The following COL6A5 variants were observed in gnomAD, a reference collection of about 807,000 sequenced individuals.
COL6A5 encodes collagen type VI alpha 5 chain.
A neutral mutation model predicts 65.6 loss-of-function variants in COL6A5; 48 were observed. That is an observed-to-expected ratio of 0.73 (90% confidence interval 0.58 to 0.93). The LOEUF (loss-of-function observed/expected upper bound fraction) is 0.93. Among genes scored for constraint, COL6A5 ranks in the 40% least tolerant of loss-of-function variants. COL6A5 has a pLI of 0.00. For missense variants in COL6A5, 914 were observed against 928.3 expected, an observed-to-expected ratio of 0.98 and a Z score of 0.20; for synonymous variants, 291 against 322.8, an observed-to-expected ratio of 0.90 and a Z score of 1.05.
chr3:130,415,187 G>A (rs560912243), intron 22 of COL6A5, among the ~76,000 whole-genome samples: 1 of 152,240 alleles, frequency 6.6e-6, no homozygotes, highest in South Asian at 2.1e-4. Flanking sequence ...CGTGTTTGAT[G>A]GCAAATATGG....
At chr3:130,397,272 A>G (rs1577466628) in intron 8 of COL6A5, among the ~76,000 whole-genome samples, 1 of 152,304 alleles carries the variant, frequency 6.6e-6, no homozygotes, top group East Asian at 1.9e-4. Flanking sequence ...TGAGAATGAG[A>G]CTAAATTATG....
At chr3:130,469,460 C>A (rs781464217) in exon 6 of COL6A5, 20 of 1,611,422 alleles carry the variant, frequency 1.2e-5, no homozygotes, top group Middle Eastern at 1.6e-4. Context: ...GTTTGTCAAG[C>A]CATTTGTCCA....
At position 130,370,427 on chromosome 3, in the gene COL6A5, T is replaced by C. The variant is rs537736537; in HGVS notation, c.-28-3184T>C. ...TAACTACAGGGCTGGAAGAGGGGAT[T>C]GGGAGTGGTAGAGCCTAGATTATAG... On this transcript the variant is annotated intron_variant and NMD_transcript_variant, in intron 1 of 41. Transcript: ENST00000312481. Among the ~76,000 whole-genome samples, 13 of 152,238 alleles carry C rather than the reference T, an allele frequency of 8.5e-5. No individual in the cohort carries two copies. The South Asian group carries it at 1.5e-3, about 17-fold the overall frequency.
chr3:130,432,654 G>C (rs7648579), intron 1 of COL6A5, among the ~76,000 whole-genome samples: 1 of 151,806 alleles, frequency 6.6e-6, no homozygotes, highest in South Asian at 2.1e-4. Flanking sequence ...CTATGTGATA[G>C]AAAGGACCAT....
At chr3:130,429,698 C>T, upstream of COL6A5, 1 of 799,956 alleles carries the variant, frequency 1.3e-6, no homozygotes, top group Non-Finnish European at 1.9e-6. Context: ...TCCTTCTATG[C>T]AGACAGTTCT....
Position 130,413,965 on chromosome 3 carries a change from G to A in COL6A5, c.4699-104G>A, listed in dbSNP as rs1235558555. On this transcript the variant is annotated intron_variant and NMD_transcript_variant, in intron 21 of 41. Transcript: ENST00000312481. The stretch of plus-strand genomic sequence containing the variant: ...AGGCCAAGTAGAGGGTGAGCCACAA[G>A]TCAGACAAAATAGTACCTATTTCTG... 5 of 855,702 alleles carry A rather than the reference G, an allele frequency of 5.8e-6. No individual in the cohort carries two copies. The East Asian group carries it at 1.1e-4, about 18-fold the overall frequency. The allele number at this position is 855,702 out of a possible 1,614,324, so 53.0% of individuals were successfully genotyped here.
rs756902449 is a variant in COL6A5, at chr3:130,409,991, T to C, written c.4543-18T>C. 1 of 1,521,400 alleles carries C rather than the reference T, an allele frequency of 6.6e-7. No individual in the cohort carries two copies. Among genetic ancestry groups the C allele is most frequent in the South Asian group, 1.2e-5 (1 of 82,992 alleles). The allele number at this position is 1,521,400 out of a possible 1,614,324, so 94.2% of individuals were successfully genotyped here. On this transcript the variant is annotated intron_variant and NMD_transcript_variant, in intron 18 of 41. Coordinates refer to the COL6A5 transcript ENST00000312481. ...GATATTTCTGGATTCTAAACTACTT[T>C]TAAAAATCTTTCTCTAGGGTAATCC...
chr3:130,429,378 A>G (rs1461362640), upstream of COL6A5, among the ~76,000 whole-genome samples: 1 of 152,212 alleles, frequency 6.6e-6, no homozygotes, highest in Non-Finnish European at 1.5e-5. Flanking sequence ...AAAGGTTAGG[A>G]AGGCTAACAA....
chr3:130,369,451 C>A (rs1278325525), intron 1 of COL6A5, among the ~76,000 whole-genome samples: 2 of 152,126 alleles, frequency 1.3e-5, no homozygotes, highest in Non-Finnish European at 2.9e-5. Context: ...TAAATAATTT[C>A]TTTTTCCCTT....
chr3:130,436,688 C>G (rs1709043417), intron 1 of COL6A5, among the ~76,000 whole-genome samples: 1 of 152,040 alleles, frequency 6.6e-6, no homozygotes, highest in South Asian at 2.1e-4. Flanking sequence ...GAAACATTTT[C>G]TTTTTTTGGC....
upstream of COL6A5, among the ~76,000 whole-genome samples, chr3:130,427,200 G>A (rs1937622778): frequency 6.6e-6 from 1 of 152,046 alleles, no homozygotes; most frequent in African/African-American, 2.4e-5. Context: ...TTGCAGGTAG[G>A]TAAATACATA....
chr3:130,397,918 G>C (rs978899965), exon 9 of COL6A5: 4 of 1,550,148 alleles, frequency 2.6e-6, no homozygotes, highest in Non-Finnish European at 3.5e-6. Context: ...TGCATCCCGG[G>C]GCCAGGTATC....
At chr3:130,377,131 G>T (rs1437404971) in intron 3 of COL6A5, among the ~76,000 whole-genome samples, 2 of 151,796 alleles carry the variant, frequency 1.3e-5, no homozygotes, top group African/African-American at 4.8e-5. Context: ...TTCTTTTTGG[G>T]TTTCGGTTCC....
At chr3:130,422,731 T>C in exon 28 of COL6A5, 1 of 1,532,850 alleles carries the variant, frequency 6.5e-7, no homozygotes. Flanking sequence ...GTGATATTGG[T>C]AATCCTGGAA....
chr3:130,393,664 G>A (rs563255027), intron 7 of COL6A5, among the ~76,000 whole-genome samples: 13 of 152,166 alleles, frequency 8.5e-5, no homozygotes, highest in Non-Finnish European at 1.8e-4. Flanking sequence ...AAAATAAATG[G>A]GGAAAGCAAG....
intron 2 of COL6A5, among the ~76,000 whole-genome samples, chr3:130,375,615 T>C (rs972396266): frequency 6.6e-6 from 1 of 152,120 alleles, no homozygotes; most frequent in Admixed American, 6.6e-5. Flanking sequence ...CTTACACTGC[T>C]ATGAAGAAAT....
chr3:130,443,499 CCGATG>C lies in COL6A5; in HGVS notation c.1267_1271del (p.Met424Ter). 6.2e-7 allele frequency: 1 copy of C among 1,610,866 alleles called. No homozygotes were observed. The highest frequency in any genetic ancestry group is 8.5e-7 in the Non-Finnish European group (1 of 1,177,280). ...AGGGGGATTCAATCAGTACCCACCA[CCGATG>C]CTTGAGGATGCCTGTAGACTCATCA... On this transcript the variant is annotated frameshift_variant, in exon 4 of 8. Coordinates refer to ENST00000512836, the Ensembl canonical transcript of COL6A5. LOFTEE classifies it high-confidence loss of function.
At chr3:130,415,554 A>G in intron 22 of COL6A5, 91 bp from the exon 23 acceptor site, 1 of 1,211,130 alleles carries the variant, frequency 8.3e-7, no homozygotes, top group South Asian at 1.4e-5. Context: ...GGGCTGGACC[A>G]TTGCTTTTCT....
rs1412607215 is a variant in COL6A5, at chr3:130,394,888, A to G, written c.2993-2A>G. 1.3e-6 allele frequency: 2 copies of G among 1,543,384 alleles called. No individual in the cohort carries two copies. Among genetic ancestry groups the G allele is most frequent in the African/African-American group, 1.4e-5 (1 of 72,484 alleles). On this transcript the variant is annotated splice_acceptor_variant and NMD_transcript_variant, in intron 7 of 41. Transcript: ENST00000312481. Reference sequence around the variant, plus strand: ...AATAATTTATTCTTTTTTCTATTGCAGTCTGTCATCTTCAGGAAGCTGACG... The same window carrying G: ...AATAATTTATTCTTTTTTCTATTGCGGTCTGTCATCTTCAGGAAGCTGACG...
Sources: allele counts gnomAD v4.1 joint callset (sites outside exome capture counted in the v4.1 genomes callset), GRCh38; gene constraint gnomAD v4.1.1; transcripts MANE v1.5; gene names NCBI Gene and HGNC (gene_info 2026-07-23, HGNC 2026-07-21).